GABBR2: variants seen among roughly 807,000 people sequenced by gnomAD.
GABBR2 encodes the protein G-protein coupled receptor 51.
In GABBR2, 23 loss-of-function variants were observed where a neutral mutation model predicts 105.6. That is an observed-to-expected ratio of 0.22 (90% CI 0.16 to 0.31). The LOEUF is 0.31. Among genes scored for constraint, GABBR2 ranks in the 10% least tolerant of loss-of-function variants. The pLI is 1.00. For synonymous variants in GABBR2, 478 were observed against 499.7 expected, an observed-to-expected ratio of 0.96 and a Z score of 0.58; for missense variants, 734 against 1,245.5, an observed-to-expected ratio of 0.59 and a Z score of 6.18.
At chr9:98,613,197 G>C (rs1181088520) in intron 1 of GABBR2, among the ~76,000 whole-genome samples, 2 of 152,198 alleles carry the variant, frequency 1.3e-5, no homozygotes, top group African/African-American at 4.8e-5. Flanking sequence ...CCAACACCTT[G>C]GGAGGCCAAG....
intron 6 of GABBR2, among the ~76,000 whole-genome samples, chr9:98,465,428 AAT>A (rs768949624): frequency 1.3e-5 from 2 of 152,358 alleles, no homozygotes; most frequent in South Asian, 4.1e-4. Context: ...AAGGTAAAAC[AAT>A]AGAGTTTCTA....
Position 98,518,990 on chromosome 9 carries a change from T to C in GABBR2, c.631-22476A>G, listed in dbSNP as rs532658270. 5.3e-5 allele frequency among the ~76,000 whole-genome samples: 8 copies of C among 152,338 alleles called. No individual in the cohort carries two copies. The South Asian group carries it at 1.0e-3, about 20-fold the overall frequency. On this transcript the variant is annotated intron_variant, in intron 3 of 18. Transcript: ENST00000259455. ...GTGCTAAACTAAGCAGATTTTATAA[T>C]GTATCTTCTTACGAGCAGTACTCAG...
Position 98,454,214 on chromosome 9 carries a change from G to C in GABBR2, c.1003C>G (p.Pro335Ala), listed in dbSNP as rs747694313. The C allele has an allele frequency of 5.0e-6, 8 of 1,610,034 alleles. No homozygotes were observed. In the South Asian group the frequency reaches 7.7e-5, roughly 15 times the overall value. Residue 335 changes from proline to alanine, a missense_variant, in exon 7 of 19, where the codon CCA (proline) becomes GCA (alanine). Pro to Ala is a conservative substitution (Grantham distance 27). Transcript: ENST00000259455. This position sits in a 1 kb window ranked among gnomAD's most constrained non-coding sequence, Gnocchi z 4.6. The stretch of plus-strand genomic sequence containing the variant: ...TTGTACTCTCTCTCATACTGCTGTG[G>C]AGTCTGGAAAAACAGGGGATTGGGG... ...KQIKTISGKTPQQYEREYNNK... is the reference protein window; with the variant it reads ...KQIKTISGKTAQQYEREYNNK...
At chr9:98,449,485 A>G (rs10818941) in intron 7 of GABBR2, among the ~76,000 whole-genome samples, 37,568 of 152,094 alleles carry the variant, frequency 0.25, 5,110 homozygotes, top group East Asian at 0.49. Context: ...TCAGGTTGCT[A>G]TTTAAGAATC....
intron 1 of GABBR2, among the ~76,000 whole-genome samples, chr9:98,628,642 T>C (rs1485594553): frequency 1.3e-5 from 2 of 152,210 alleles, no homozygotes; most frequent in East Asian, 3.8e-4. Flanking sequence ...CTTTGCTGTC[T>C]GTTGTCTGTG....
intron 6 of GABBR2, among the ~76,000 whole-genome samples, chr9:98,469,400 C>A (rs1826622628): frequency 6.6e-6 from 1 of 152,186 alleles, no homozygotes; most frequent in Non-Finnish European, 1.5e-5. Context: ...CCCACCAGGT[C>A]CCTCCCCTGA....
chr9:98,676,780 A>G (rs1462197239), intron 1 of GABBR2, among the ~76,000 whole-genome samples: 1 of 152,242 alleles, frequency 6.6e-6, no homozygotes, highest in African/African-American at 2.4e-5. Flanking sequence ...TGAGGGAGAA[A>G]TAAGTGTTCA....
At chr9:98,599,041 C>T (rs559849228) in intron 1 of GABBR2, among the ~76,000 whole-genome samples, 54 of 152,306 alleles carry the variant, frequency 3.5e-4, no homozygotes, top group African/African-American at 1.2e-3. Flanking sequence ...TGGCACTGAG[C>T]TCAGGCTGAC....
At chr9:98,326,206 T>C (rs1224124618) in intron 13 of GABBR2, among the ~76,000 whole-genome samples, 1 of 152,234 alleles carries the variant, frequency 6.6e-6, no homozygotes, top group African/African-American at 2.4e-5. Context: ...TGTACATTTT[T>C]TTCTATGAAC....
chr9:98,300,416 A>G (rs1830450417), intron 16 of GABBR2, among the ~76,000 whole-genome samples: 1 of 152,122 alleles, frequency 6.6e-6, no homozygotes, highest in African/African-American at 2.4e-5. Flanking sequence ...AAGCGTTGGG[A>G]TTACAGGTGT....
At chr9:98,423,168 A>T (rs2131557839) in intron 7 of GABBR2, among the ~76,000 whole-genome samples, 1 of 152,300 alleles carries the variant, frequency 6.6e-6, no homozygotes, top group African/African-American at 2.4e-5. Flanking sequence ...CTACTTCTGG[A>T]TCCCTGAGGA....
chr9:98,451,056 G>T (rs1826221219), intron 7 of GABBR2, among the ~76,000 whole-genome samples: 1 of 152,160 alleles, frequency 6.6e-6, no homozygotes, highest in African/African-American at 2.4e-5. Context: ...GCTACCCGTG[G>T]GACCCTGGGT....
At chr9:98,344,425 C>T (rs1831269913) in intron 13 of GABBR2, among the ~76,000 whole-genome samples, 1 of 152,196 alleles carries the variant, frequency 6.6e-6, no homozygotes, top group Admixed American at 6.5e-5. Flanking sequence ...GCAGAAACAG[C>T]CAATCTTTCC....
rs1827623734 is a variant in GABBR2 at position 98,510,828 on chromosome 9, T to G, written c.631-14314A>C. Among the ~76,000 whole-genome samples the G allele has an allele frequency of 3.9e-5, 6 of 152,250 alleles. No individual in the cohort carries two copies. The South Asian group carries it at 1.2e-3, about 32-fold the overall frequency. ...CTCCCACACAATAATAATGGGAGAC[T>G]TTAACACCCCACTGTCAACATTAGA... On this transcript the variant is annotated intron_variant, in intron 3 of 18. Coordinates refer to ENST00000259455, the MANE Select transcript of GABBR2 (RefSeq NM_005458.8).
chr9:98,684,044 A>T (rs1195734987), intron 1 of GABBR2, among the ~76,000 whole-genome samples: 2 of 148,282 alleles, frequency 1.3e-5, no homozygotes, highest in Admixed American at 6.7e-5. Context: ...AAAAATCTAA[A>T]TAAATTATGG....
intron 13 of GABBR2, among the ~76,000 whole-genome samples, chr9:98,313,572 T>G (rs1312334571): frequency 6.6e-6 from 1 of 152,220 alleles, no homozygotes; most frequent in African/African-American, 2.4e-5. Context: ...GATACATCCA[T>G]ACAACTGTCA....
chr9:98,639,748 TTGCAG>T (rs1829933910), intron 1 of GABBR2, among the ~76,000 whole-genome samples: 3 of 152,026 alleles, frequency 2.0e-5, no homozygotes, highest in African/African-American at 7.2e-5. Context: ...GGCTTGCAAC[TTGCAG>T]TGTCTGCATT....
At chr9:98,587,978 G>A (rs2131792047) in intron 1 of GABBR2, among the ~76,000 whole-genome samples, 1 of 152,212 alleles carries the variant, frequency 6.6e-6, no homozygotes, top group South Asian at 2.1e-4. Context: ...GAGATGTCTG[G>A]AATGAGAATC....
intron 1 of GABBR2, among the ~76,000 whole-genome samples, chr9:98,647,602 G>T (rs1300322039): frequency 6.6e-6 from 1 of 152,178 alleles, no homozygotes; most frequent in Non-Finnish European, 1.5e-5. Context: ...CACCCGACGG[G>T]TTGTGCCCTA....
Sources: allele counts gnomAD v4.1 joint callset (sites outside exome capture counted in the v4.1 genomes callset), GRCh38; gene constraint gnomAD v4.1.1; non-coding constraint Gnocchi (gnomAD v3.1); transcripts MANE v1.5; gene names NCBI Gene and HGNC (gene_info 2026-07-23, HGNC 2026-07-21).